Variants in CPPED1 observed in about 807,000 individuals in gnomAD.
The protein encoded by CPPED1 is calcineurin like phosphoesterase domain containing 1.
A neutral mutation model predicts 28.0 loss-of-function variants in CPPED1; 28 were observed. The ratio of observed to expected loss-of-function variants is 1.00; its 90% CI spans 0.74 to 1.37. The LOEUF is 1.37. Ranked by LOEUF, CPPED1 falls within the 40% of genes most tolerant of loss-of-function variation. The pLI is 0.00. For missense variants in CPPED1, 504 were observed against 416.5 expected (o/e 1.21, Z -1.83); for synonymous variants, 198 against 180.2 (o/e 1.10, Z -0.79).
At chr16:12,781,082 C>CCT in intron 2 of CPPED1, 103 bp downstream of exon 2, 1 of 948,382 alleles carries the variant, frequency 1.1e-6, no homozygotes, top group Non-Finnish European at 1.6e-6. Flanking sequence ...CGGTCCATGA[C>CCT]TGAGCAAAGA....
intron 3 of CPPED1, among the ~76,000 whole-genome samples, chr16:12,677,295 A>G (rs1028445833): frequency 4.6e-5 from 7 of 152,230 alleles, no homozygotes; most frequent in African/African-American, 1.7e-4. Flanking sequence ...AGGCGGGGCC[A>G]GAGGGCTGCA....
At chr16:12,760,787 A>G (rs925211390) in intron 2 of CPPED1, 1 of 152,206 alleles carries the variant, frequency 6.6e-6, no homozygotes, top group Non-Finnish European at 1.5e-5. Flanking sequence ...AACAAAGAGA[A>G]GCAATTCCCA....
intron 2 of CPPED1, among the ~76,000 whole-genome samples, chr16:12,769,215 A>G (rs2080456246): frequency 6.6e-6 from 1 of 152,042 alleles, no homozygotes; most frequent in South Asian, 2.1e-4. Context: ...CTCTGCTATT[A>G]GACTGTGTTA....
intron 1 of CPPED1, among the ~76,000 whole-genome samples, chr16:12,799,526 G>C (rs748443050): frequency 1.3e-5 from 2 of 152,170 alleles, no homozygotes; most frequent in African/African-American, 4.8e-5. Context: ...AATTACAGGC[G>C]TAAGCCACTG....
chr16:12,737,165 G>A (rs577297069), intron 2 of CPPED1, among the ~76,000 whole-genome samples: 1 of 152,090 alleles, frequency 6.6e-6, no homozygotes, highest in Non-Finnish European at 1.5e-5. Context: ...ACTCCAGTCT[G>A]GGCGAGAGAG....
intron 1 of CPPED1, among the ~76,000 whole-genome samples, chr16:12,795,941 G>A (rs1002106978): frequency 7.9e-5 from 12 of 151,880 alleles, no homozygotes; most frequent in African/African-American, 2.9e-4. Flanking sequence ...AAATTAGCCA[G>A]GTGCAGTGGC....
At chr16:12,749,468 T>A (rs2080313044) in intron 2 of CPPED1, among the ~76,000 whole-genome samples, 1 of 152,232 alleles carries the variant, frequency 6.6e-6, no homozygotes, top group Admixed American at 6.5e-5. Context: ...CTCTACCACA[T>A]CTGCAGTTCT....
At chr16:12,674,239 G>C (rs140032161) in intron 3 of CPPED1, among the ~76,000 whole-genome samples, 69 of 152,258 alleles carry the variant, frequency 4.5e-4, no homozygotes, top group Admixed American at 1.0e-3. Context: ...CGGTCAGGCA[G>C]GGGACGAAAG....
intron 3 of CPPED1, 124 bp downstream of exon 3, chr16:12,704,500 T>G: frequency 1.0e-6 from 1 of 995,290 alleles, no homozygotes; most frequent in Non-Finnish European, 1.5e-6. Flanking sequence ...AGAGCTGGTA[T>G]CAGAACTCCC....
intron 2 of CPPED1, among the ~76,000 whole-genome samples, chr16:12,740,250 AG>A (rs1208167728): frequency 6.6e-6 from 1 of 151,958 alleles, no homozygotes; most frequent in African/African-American, 2.4e-5. Context: ...GTTCAACACC[AG>A]CCTGGCCAAC....
At chr16:12,800,390 T>C (rs1246315132) in intron 1 of CPPED1, among the ~76,000 whole-genome samples, 1 of 144,976 alleles carries the variant, frequency 6.9e-6, no homozygotes, top group East Asian at 2.0e-4. Flanking sequence ...GTGAGTAGCA[T>C]CACTGCACTG....
chr16:12,801,828 T>C (rs1463860652), intron 1 of CPPED1, among the ~76,000 whole-genome samples: 1 of 151,408 alleles, frequency 6.6e-6, no homozygotes, highest in Non-Finnish European at 1.5e-5. Context: ...TACAAGGGAG[T>C]GTGGTAACCC....
At position 12,717,065 on chromosome 16, in the gene CPPED1, G is replaced by T. The variant is rs140447294; in HGVS notation, c.290-12016C>A. On this transcript the variant is annotated intron_variant, in intron 2 of 3. Transcript: ENST00000381774. ...AACAGGGGGAAAGAAGGTGGGGAGG[G>T]GGCTTTCCTAACCAAAGGTAATAGT... Among the ~76,000 whole-genome samples, 9 of 152,190 alleles carry T rather than the reference G, an allele frequency of 5.9e-5. 1 individual carries two copies. In the East Asian group the frequency reaches 1.7e-3, roughly 29 times the overall value.
At chr16:12,699,619 T>C (rs945839225) in intron 3 of CPPED1, among the ~76,000 whole-genome samples, 1 of 152,198 alleles carries the variant, frequency 6.6e-6, no homozygotes, top group African/African-American at 2.4e-5. Flanking sequence ...GGGTTTTACC[T>C]CCACGGTGGT....
At chr16:12,668,857 T>A (rs1050291016) in intron 3 of CPPED1, among the ~76,000 whole-genome samples, 7 of 152,242 alleles carry the variant, frequency 4.6e-5, no homozygotes, top group Admixed American at 1.3e-4. Context: ...TTTGGAGAAA[T>A]TAGAACCTTC....
chr16:12,704,588 C>A, intron 3 of CPPED1, 36 bp downstream of exon 3: 1 of 1,573,346 alleles, frequency 6.4e-7, no homozygotes, highest in Non-Finnish European at 8.6e-7. Context: ...CTAGACTTGT[C>A]CTTCCTCCCT....
intron 2 of CPPED1, among the ~76,000 whole-genome samples, chr16:12,732,726 G>A (rs965956569): frequency 2.2e-4 from 34 of 152,188 alleles, no homozygotes; most frequent in African/African-American, 8.2e-4. Flanking sequence ...ACAAAGGCAA[G>A]GAGACAAAGC....
rs758271245 is a variant in CPPED1, at chr16:12,682,521, G to A, written c.716-17406C>T. 7.9e-5 allele frequency among the ~76,000 whole-genome samples: 12 copies of A among 152,140 alleles called. No individual in the cohort carries two copies. Among genetic ancestry groups the A allele is most frequent in the Non-Finnish European group, 1.6e-4 (11 of 68,024 alleles). ...GAGCTAGGGGTTGGGAGACTCAGGC[G>A]TGAACCTCAGTTCTGCTGTTGCTGA... On this transcript the variant is annotated intron_variant, in intron 3 of 3. Coordinates refer to ENST00000381774, the MANE Select transcript of CPPED1 (RefSeq NM_018340.3). The surrounding 1 kb of genome is among the most constrained non-coding windows in gnomAD (Gnocchi z 6.1).
intron 3 of CPPED1, among the ~76,000 whole-genome samples, chr16:12,685,526 T>A (rs2079928219): frequency 6.6e-6 from 1 of 152,174 alleles, no homozygotes; most frequent in South Asian, 2.1e-4. Flanking sequence ...GTTTCAGACG[T>A]AATGCGTTTA....
Sources: gnomAD v4.1 joint callset for allele counts (sites outside exome capture counted in the v4.1 genomes callset) on GRCh38, gnomAD v4.1.1 for gene constraint, Gnocchi (gnomAD v3.1) non-coding constraint, MANE v1.5 for transcripts, NCBI Gene and HGNC (gene_info 2026-07-23, HGNC 2026-07-21) for gene names.